Variants in TMEM132D observed in about 807,000 individuals in gnomAD.
The protein encoded by TMEM132D is mature OL transmembrane protein.
In TMEM132D, 21 loss-of-function variants were observed where a neutral mutation model predicts 62.3. The ratio of observed to expected loss-of-function variants is 0.34; its 90% CI spans 0.24 to 0.49. The LOEUF (loss-of-function observed/expected upper bound fraction) is 0.49. Among genes scored for constraint, TMEM132D ranks in the 20% least tolerant of loss-of-function variants. The pLI, the probability that TMEM132D is intolerant of heterozygous loss-of-function variation, is 0.99. For missense variants in TMEM132D, 1,346 were observed against 1,402.8 expected (o/e 0.96, Z 0.65); for synonymous variants, 621 against 575.6 (o/e 1.08, Z -1.13).
chr12:129,276,426 T>A (rs1881009592), intron 4 of TMEM132D, among the ~76,000 whole-genome samples: 1 of 152,246 alleles, frequency 6.6e-6, no homozygotes, highest in African/African-American at 2.4e-5. Context: ...GAGCTACTTA[T>A]AAGCCAGGGA....
chr12:129,238,070 A>G (rs1265227003), intron 4 of TMEM132D, among the ~76,000 whole-genome samples: 1 of 152,078 alleles, frequency 6.6e-6, no homozygotes, highest in Admixed American at 6.5e-5. Context: ...TCTGATCCTC[A>G]CCACCATCCC....
intron 2 of TMEM132D, among the ~76,000 whole-genome samples, chr12:129,627,234 T>A (rs1879244433): frequency 6.6e-6 from 1 of 152,216 alleles, no homozygotes; most frequent in Non-Finnish European, 1.5e-5. Context: ...GCCTATATGA[T>A]GGTGCTCACA....
At chr12:129,713,326 T>C (rs1376149289) in intron 1 of TMEM132D, among the ~76,000 whole-genome samples, 2 of 152,158 alleles carry the variant, frequency 1.3e-5, no homozygotes, top group Non-Finnish European at 2.9e-5. Flanking sequence ...TGCACAAATA[T>C]ATAAAAATCC....
chr12:129,582,470 A>ACTGCT (rs1877897203), intron 2 of TMEM132D, among the ~76,000 whole-genome samples: 1 of 152,192 alleles, frequency 6.6e-6, no homozygotes, highest in African/African-American at 2.4e-5. Context: ...CACCCATTTC[A>ACTGCT]CTGCTGAGTA....
chr12:129,175,509 T>C (rs1877878735), intron 5 of TMEM132D, among the ~76,000 whole-genome samples: 3 of 152,146 alleles, frequency 2.0e-5, no homozygotes, highest in African/African-American at 7.2e-5. Flanking sequence ...TTCTTATAAA[T>C]GAAATCATTA....
chr12:129,458,014 T>C (rs1288162030), intron 3 of TMEM132D, among the ~76,000 whole-genome samples: 2 of 152,166 alleles, frequency 1.3e-5, no homozygotes, highest in Non-Finnish European at 2.9e-5. Context: ...GAGAAACACC[T>C]ACCCACGGGC....
intron 1 of TMEM132D, among the ~76,000 whole-genome samples, chr12:129,763,288 G>C (rs1471038536): frequency 6.6e-6 from 1 of 152,140 alleles, no homozygotes; most frequent in Non-Finnish European, 1.5e-5. Context: ...ATGTTTCCCA[G>C]GCTGGTCTCA....
chr12:129,410,686 G>C (rs1871943015), intron 3 of TMEM132D, among the ~76,000 whole-genome samples: 1 of 152,084 alleles, frequency 6.6e-6, no homozygotes, highest in African/African-American at 2.4e-5. Flanking sequence ...TAATGTACTT[G>C]TCTGACTCCA....
intron 3 of TMEM132D, among the ~76,000 whole-genome samples, chr12:129,364,397 A>T (rs2135676312): frequency 6.6e-6 from 1 of 152,374 alleles, no homozygotes; most frequent in East Asian, 1.9e-4. Context: ...AACCTGTACA[A>T]CTGTATGAGG....
chr12:129,261,976 T>C (rs1186662446), intron 4 of TMEM132D, among the ~76,000 whole-genome samples: 1 of 152,066 alleles, frequency 6.6e-6, no homozygotes, highest in Non-Finnish European at 1.5e-5. Flanking sequence ...GATAAATCGA[T>C]GATTCAGGAG....
chr12:129,079,177 T>C (rs889057897), intron 7 of TMEM132D, among the ~76,000 whole-genome samples: 1 of 152,236 alleles, frequency 6.6e-6, no homozygotes, highest in Non-Finnish European at 1.5e-5. Context: ...TGGTTACATA[T>C]TGATAGCTTT....
intron 2 of TMEM132D, among the ~76,000 whole-genome samples, chr12:129,627,112 A>G (rs1004179295): frequency 2.0e-5 from 3 of 151,972 alleles, no homozygotes; most frequent in African/African-American, 7.3e-5. Context: ...CACCCAAAAT[A>G]CGAGATCTTA....
intron 2 of TMEM132D, among the ~76,000 whole-genome samples, chr12:129,574,103 T>C (rs1158224020): frequency 6.6e-6 from 1 of 151,918 alleles, no homozygotes; most frequent in African/African-American, 2.4e-5. Flanking sequence ...GGAACAAACA[T>C]TAAACTCGAA....
chr12:129,355,052 G>T (rs1339196615), intron 3 of TMEM132D, among the ~76,000 whole-genome samples: 2 of 152,214 alleles, frequency 1.3e-5, no homozygotes, highest in Admixed American at 1.3e-4. Flanking sequence ...AGACTTTGCA[G>T]TTAGCTTTGC....
At position 129,520,395 on chromosome 12, in the gene TMEM132D, G is replaced by A. The variant is rs117658491; in HGVS notation, c.1115+10664C>T. On this transcript the variant is annotated intron_variant, in intron 3 of 8. Coordinates refer to ENST00000422113, the MANE Select transcript of TMEM132D (RefSeq NM_133448.3). Reference sequence around the variant, plus strand: ...GCCCCAGAACTGGCTGCAAACAATAGTCTCCACATGGAATTCATTAGTAGT... The same window carrying A: ...GCCCCAGAACTGGCTGCAAACAATAATCTCCACATGGAATTCATTAGTAGT... Among the ~76,000 whole-genome samples, 142 of 152,292 alleles carry A rather than the reference G, an allele frequency of 9.3e-4. 2 individuals carry two copies. The East Asian group carries it at 0.022, about 23-fold the overall frequency.
intron 1 of TMEM132D, among the ~76,000 whole-genome samples, chr12:129,722,412 C>T (rs1024705360): frequency 3.3e-5 from 5 of 152,320 alleles, no homozygotes; most frequent in South Asian, 2.1e-4. Context: ...GAAATTCCCA[C>T]GGCTTTCCCA....
At chr12:129,551,430 G>T (rs1876893342) in intron 2 of TMEM132D, among the ~76,000 whole-genome samples, 1 of 152,188 alleles carries the variant, frequency 6.6e-6, no homozygotes, top group Non-Finnish European at 1.5e-5. Flanking sequence ...TTAAATAGCA[G>T]CTCAGGGGTT....
At chr12:129,233,590 ATAT>A in intron 4 of TMEM132D, among the ~76,000 whole-genome samples, 1 of 152,152 alleles carries the variant, frequency 6.6e-6, no homozygotes, top group Admixed American at 6.5e-5. Flanking sequence ...TCACAAACTG[ATAT>A]TATTAATTTT....
chr12:129,406,678 C>G (rs904656267), intron 3 of TMEM132D, among the ~76,000 whole-genome samples: 1 of 151,740 alleles, frequency 6.6e-6, no homozygotes, highest in South Asian at 2.1e-4. Flanking sequence ...ATGTACTGGG[C>G]AAGCACACGG....
Sources: gnomAD v4.1 joint callset for allele counts (sites outside exome capture counted in the v4.1 genomes callset) on GRCh38, gnomAD v4.1.1 for gene constraint, MANE v1.5 for transcripts, NCBI Gene and HGNC (gene_info 2026-07-23, HGNC 2026-07-21) for gene names.